MAGED1: variants seen among roughly 807,000 people sequenced by gnomAD.
The protein encoded by MAGED1 is MAGE family member D1.
Under a neutral mutation model 54.1 loss-of-function variants are expected in MAGED1, and 3 were observed. The observed-to-expected ratio is 0.06, with a 90% CI of 0.03 to 0.14. The LOEUF (loss-of-function observed/expected upper bound fraction) is 0.14, where lower values mean the gene tolerates loss of function less well. Ranked by LOEUF, MAGED1 falls within the 10% of genes least tolerant of loss-of-function variation. The pLI is 1.00. For missense variants in MAGED1, 485 were observed against 623.4 expected (o/e 0.78, Z 2.36); for synonymous variants, 217 against 227.3 (o/e 0.95, Z 0.41).
intron 1 of MAGED1, among the ~76,000 whole-genome samples, chrX:51,813,471 C>T (rs193113425): frequency 8.9e-6 from 1 of 112,304 alleles, no homozygotes; most frequent in African/African-American, 3.2e-5. Flanking sequence ...TAAGAACCCT[C>T]ACTCCTGCCT....
chrX:51,832,976 A>G (rs1159030582), intron 1 of MAGED1, among the ~76,000 whole-genome samples: 1 of 111,863 alleles, frequency 8.9e-6, no homozygotes, highest in Non-Finnish European at 1.9e-5. Context: ...CAGCACCAAC[A>G]TAGGTCAAGC....
Position 51,901,822 on chromosome X carries a change from C to T in MAGED1, c.2229C>T (p.Arg743=). The T allele has an allele frequency of 4.1e-6, 5 of 1,211,621 alleles. No individual in the cohort carries two copies. Among genetic ancestry groups the T allele is most frequent in the Non-Finnish European group, 5.6e-6 (5 of 895,529 alleles). Residue 743 remains arginine (R), a synonymous_variant, in exon 12 of 13, where the codon CGC becomes CGT. Coordinates refer to ENST00000326587, the MANE Select transcript of MAGED1 (RefSeq NM_006986.4). ...TFWARYHQNA[R]SRFPQTFAGP... The stretch of plus-strand genomic sequence containing the variant: ...GGGCCAGATACCACCAGAATGCCCG[C>T]TCCAGATTCCCTCAGACCTTTGCCG...
chrX:51,894,897 C>T, intron 2 of MAGED1, 156 bp from the exon 3 acceptor site: 2 of 953,625 alleles, frequency 2.1e-6, no homozygotes. Flanking sequence ...CATCGCCCCT[C>T]GCGGGCCCCC....
chrX:51,883,854 AAAAC>A (rs781787280), intron 1 of MAGED1, among the ~76,000 whole-genome samples: 14 of 112,192 alleles, frequency 1.2e-4, no homozygotes, highest in Admixed American at 5.7e-4. Context: ...TGGACTTTAA[AAAAC>A]AAACCTCAGT....
chrX:51,824,862 C>CTGTGTGTGTGTGTGTGTG (rs58934297), intron 1 of MAGED1, among the ~76,000 whole-genome samples: 10 of 72,651 alleles, frequency 1.4e-4, no homozygotes, highest in African/African-American at 5.2e-4. Flanking sequence ...TCTCAGAAAC[C>CTGTGTGTGTGTGTGTGTG]TGTGTGTGTG....
intron 1 of MAGED1, among the ~76,000 whole-genome samples, chrX:51,843,066 T>C (rs1425739324): frequency 9.0e-6 from 1 of 111,665 alleles, no homozygotes; most frequent in Non-Finnish European, 1.9e-5. Flanking sequence ...AAGTCTCCTT[T>C]TGAGGGCTTT....
At chrX:51,854,843 C>T (rs1243500197) in intron 1 of MAGED1, among the ~76,000 whole-genome samples, 1 of 111,285 alleles carries the variant, frequency 9.0e-6, no homozygotes, top group Admixed American at 9.5e-5. Context: ...ACTCCTCTCT[C>T]CTCTGTTGCA....
intron 11 of MAGED1, among the ~76,000 whole-genome samples, chrX:51,901,310 T>G (rs1156871915): frequency 3.6e-5 from 4 of 111,957 alleles, no homozygotes; most frequent in African/African-American, 1.3e-4. Flanking sequence ...CATGTATAAG[T>G]GAGGTCATGC....
Position 51,895,210 on chromosome X carries a change from C to G in MAGED1, c.203C>G (p.Ser68Ter). The change falls in exon 3 of 13, where the codon TCA (serine) becomes TGA (stop). Residue 68 changes from serine (S) to a stop codon, truncating the protein, a stop_gained. Coordinates refer to ENST00000326587, the MANE Select transcript of MAGED1 (RefSeq NM_006986.4). LOFTEE classifies it high-confidence loss of function. ...AATGAGATGGCTGACATTCAGGTTTCAGCAGCTGCCGCTAGGCCTAAGTCA... is the reference window on the plus strand; with the variant it reads ...AATGAGATGGCTGACATTCAGGTTTGAGCAGCTGCCGCTAGGCCTAAGTCA... Reference protein sequence around the residue: ...TANEMADIQVSAAAARPKSAF... With the variant: ...TANEMADIQV The G allele has an allele frequency of 8.3e-7, 1 of 1,211,653 alleles. No individual in the cohort carries two copies. Among genetic ancestry groups the G allele is most frequent in the Non-Finnish European group, 1.1e-6 (1 of 895,485 alleles).
intron 10 of MAGED1, chrX:51,898,872 C>T (rs1557364624): frequency 6.1e-6 from 2 of 326,618 alleles, no homozygotes; most frequent in Non-Finnish European, 1.1e-5. Context: ...GGCGTGGTGA[C>T]ATGCACCTGT....
At chrX:51,861,870 T>TG (rs1651192153) in intron 1 of MAGED1, among the ~76,000 whole-genome samples, 2 of 111,231 alleles carry the variant, frequency 1.8e-5, no homozygotes, top group South Asian at 7.7e-4. Flanking sequence ...TTAGTAGAGA[T>TG]GGGGGTTCAC....
At chrX:51,820,148 C>T (rs1464815887) in intron 1 of MAGED1, among the ~76,000 whole-genome samples, 3 of 111,851 alleles carry the variant, frequency 2.7e-5, no homozygotes, top group Non-Finnish European at 5.6e-5. Flanking sequence ...TACAATTATT[C>T]TAGTACCTTA....
At chrX:51,823,381 CT>C (rs1337422496) in intron 1 of MAGED1, among the ~76,000 whole-genome samples, 1 of 111,756 alleles carries the variant, frequency 8.9e-6, no homozygotes, top group Non-Finnish European at 1.9e-5. Flanking sequence ...AAATGTTATT[CT>C]TTGTCTGTTT....
At position 51,901,668 on chromosome X, in the gene MAGED1, C is replaced by G; in HGVS notation, c.2075C>G (p.Thr692Ser). ...GCCGAAGCCCGGGCTGAAGCAAGAACCCGCATGGGAATTGGAGATGAGGCT... is the reference window on the plus strand; with the variant it reads ...GCCGAAGCCCGGGCTGAAGCAAGAAGCCGCATGGGAATTGGAGATGAGGCT... ...AEAEARAEAR[T>S]RMGIGDEAVS... The change falls in exon 12 of 13, where the codon ACC becomes AGC. Residue 692 changes from threonine to serine, a missense_variant. This residue lies in a region of MAGED1 where 186 missense variants were observed against 330.3 expected (regional missense o/e 0.56). Coordinates refer to ENST00000326587, the MANE Select transcript of MAGED1 (RefSeq NM_006986.4). 8.3e-7 allele frequency: 1 copy of G among 1,211,413 alleles called. No homozygotes were observed. The highest frequency in any genetic ancestry group is 1.1e-6 in the Non-Finnish European group (1 of 895,421).
chrX:51,808,039 A>G (rs1165907586), intron 1 of MAGED1, among the ~76,000 whole-genome samples: 1 of 111,954 alleles, frequency 8.9e-6, no homozygotes, highest in Non-Finnish European at 1.9e-5. Flanking sequence ...TCATCTCCTA[A>G]TATTAGCATT....
Position 51,895,653 on chromosome X carries a change from C to G in MAGED1, c.646C>G (p.Pro216Ala). 8.3e-7 allele frequency: 1 copy of G among 1,208,546 alleles called. No individual in the cohort carries two copies. Among genetic ancestry groups the G allele is most frequent in the Non-Finnish European group, 1.1e-6 (1 of 893,693 alleles). Residue 216 changes from proline (P) to alanine (A), a missense_variant, in exon 3 of 13, where the codon CCA becomes GCA. Physicochemically the swap from Pro to Ala is conservative, Grantham distance 27 (BLOSUM62 -1). Around this residue, in one of 2 missense-constraint regions of MAGED1, gnomAD observed 299 missense variants for 293.1 expected, o/e 1.02. Transcript: ENST00000326587. ...TTCCCAGGCTGACATAGAGACCGAC[C>G]CAGGTATCTCTGAACCTGACGGTGC... is the stretch of plus-strand genomic sequence containing the variant. ...ATSQADIETD[P>A]GISEPDGATA...
At chrX:51,838,386 T>G (rs782447565) in intron 1 of MAGED1, among the ~76,000 whole-genome samples, 42 of 112,580 alleles carry the variant, frequency 3.7e-4, no homozygotes, top group Non-Finnish European at 7.1e-4. Context: ...GAAATGTAGA[T>G]GCTGCATTAG....
At chrX:51,842,243 T>C (rs1557358704) in intron 1 of MAGED1, among the ~76,000 whole-genome samples, 1 of 112,307 alleles carries the variant, frequency 8.9e-6, no homozygotes, top group Non-Finnish European at 1.9e-5. Flanking sequence ...TTTAACACTG[T>C]ACTATGTGAC....
chrX:51,803,106 T>G (rs1380098188), exon 1 of MAGED1: 6 of 111,508 alleles, frequency 5.4e-5, no homozygotes, highest in Non-Finnish European at 7.5e-5. Context: ...CGTTGCTGCC[T>G]TCTTCGTCAA....
Sources: allele counts gnomAD v4.1 joint callset (sites outside exome capture counted in the v4.1 genomes callset), GRCh38; gene constraint gnomAD v4.1.1; regional missense constraint gnomAD v4.1.1; transcripts MANE v1.5; gene names NCBI Gene and HGNC (gene_info 2026-07-23, HGNC 2026-07-21).